Variants in NOC2L observed in about 807,000 individuals in gnomAD.
NOC2L encodes NOC2 like nucleolar associated transcriptional repressor, also known as nucleolar complex protein 2 homolog.
In NOC2L, 101 loss-of-function variants were observed where a neutral mutation model predicts 94.2. The observed-to-expected ratio is 1.07, with a 90% CI of 0.91 to 1.26. The LOEUF is 1.26. Among genes scored for constraint, NOC2L ranks in the 50% most tolerant of loss-of-function variants. The pLI, the probability that NOC2L is intolerant of heterozygous loss-of-function variation, is 0.00. For synonymous variants in NOC2L, 531 were observed against 413.4 expected (o/e 1.28, Z -3.45); for missense variants, 1,076 against 980.1 (o/e 1.10, Z -1.31).
At chr1:954,756 G>A (rs926342723) in intron 6 of NOC2L, among the ~76,000 whole-genome samples, 3 of 152,034 alleles carry the variant, frequency 2.0e-5, no homozygotes, top group Non-Finnish European at 2.9e-5. Context: ...GAATCCAGAA[G>A]GTACGTGTCG....
rs558406363 is a variant in NOC2L, at chr1:949,703, G to A, written c.1444-1100C>T. On this transcript the variant is annotated intron_variant, in intron 12 of 18. Transcript: ENST00000327044. ...AGACACAAAGCATGCCTGGAGCTGGGCAGCAGAGCTGGAGGCCCACAGACA... is the reference window on the plus strand; with the variant it reads ...AGACACAAAGCATGCCTGGAGCTGGACAGCAGAGCTGGAGGCCCACAGACA... Among the ~76,000 whole-genome samples the A allele has an allele frequency of 7.2e-5, 11 of 152,330 alleles. No individual in the cohort carries two copies. The East Asian group carries it at 1.7e-3, about 24-fold the overall frequency.
chr1:954,397 C>T (rs952496953), intron 6 of NOC2L: 8 of 344,238 alleles, frequency 2.3e-5, no homozygotes, highest in South Asian at 8.4e-5. Context: ...TTTTCTAGGT[C>T]CCCTTGATCA....
At chr1:956,652 C>G (rs1290236517) in intron 4 of NOC2L, among the ~76,000 whole-genome samples, 1 of 152,166 alleles carries the variant, frequency 6.6e-6, no homozygotes, top group African/African-American at 2.4e-5. Flanking sequence ...ACACACAGTC[C>G]TGGGGCAACC....
At chr1:957,513 C>A (rs1484880595) in intron 2 of NOC2L, 3 of 526,950 alleles carry the variant, frequency 5.7e-6, no homozygotes, top group African/African-American at 1.9e-5. Flanking sequence ...CTGCGCCCTG[C>A]GCTACACAGG....
intron 14 of NOC2L, among the ~76,000 whole-genome samples, chr1:947,645 C>T (rs1296039027): frequency 6.6e-6 from 1 of 152,236 alleles, no homozygotes; most frequent in Non-Finnish European, 1.5e-5. Context: ...CCACCCCACT[C>T]CTGCCTAAGA....
At chr1:950,481 A>T (rs1038245124) in intron 12 of NOC2L, among the ~76,000 whole-genome samples, 5 of 151,896 alleles carry the variant, frequency 3.3e-5, no homozygotes, top group Admixed American at 2.0e-4. Context: ...AGGTACACAC[A>T]GGTACACACT....
chr1:954,136 G>C (rs1642336698), intron 6 of NOC2L, 54 bp from the exon 7 acceptor site: 1 of 1,566,076 alleles, frequency 6.4e-7, no homozygotes, highest in Non-Finnish European at 8.8e-7. Context: ...CGGACGCGAG[G>C]CTGCTCAGCA....
chr1:951,769 G>A (rs1405489123), intron 11 of NOC2L, among the ~76,000 whole-genome samples: 1 of 152,228 alleles, frequency 6.6e-6, no homozygotes, highest in Admixed American at 6.5e-5. Flanking sequence ...CACCCGAGGC[G>A]GCTAAACCGC....
Position 948,160 on chromosome 1 carries a change from G to C in NOC2L, c.1630C>G (p.Pro544Ala), listed in dbSNP as rs1484746753. 6.3e-7 allele frequency: 1 copy of C among 1,592,076 alleles called. No homozygotes were observed. The highest frequency in any genetic ancestry group is 1.3e-5 in the African/African-American group (1 of 74,682). ...AGGACCACAGGCAGCACCAGCTCCGGGAAGCCGATGCAGTGTGCCTGGCTG... is the reference window on the plus strand; with the variant it reads ...AGGACCACAGGCAGCACCAGCTCCGCGAAGCCGATGCAGTGTGCCTGGCTG... ...LHSQAHCIGF[P>A]ELVLPVVLQL... Residue 544 changes from proline (P) to alanine (A), a missense_variant, in exon 14 of 19, where the codon CCG (proline) becomes GCG (alanine). Physicochemically the swap from Pro to Ala is conservative, Grantham distance 27 (BLOSUM62 -1). Transcript: ENST00000327044.
At chr1:946,877 G>A in intron 14 of NOC2L, 1 of 206,750 alleles carries the variant, frequency 4.8e-6, no homozygotes, top group Non-Finnish European at 9.9e-6. Flanking sequence ...GGCCAACGTG[G>A]CAAAACCCCG....
At chr1:945,835 G>A (rs975781176) in intron 16 of NOC2L, among the ~76,000 whole-genome samples, 182 bp from the exon 17 acceptor site, 1 of 152,194 alleles carries the variant, frequency 6.6e-6, no homozygotes, top group Non-Finnish European at 1.5e-5. Context: ...CAAAGGCAGA[G>A]CCCTTCCTGC....
chr1:950,529 AGGT>A (rs1194289541), intron 12 of NOC2L, among the ~76,000 whole-genome samples: 2 of 152,116 alleles, frequency 1.3e-5, no homozygotes, highest in African/African-American at 4.8e-5. Flanking sequence ...ACACACGCAA[AGGT>A]ACACGCAAAG....
chr1:944,753 G>C lies in NOC2L; in HGVS notation c.2191C>G (p.Gln731Glu). 1 of 1,600,236 alleles carries C rather than the reference G, an allele frequency of 6.2e-7. No individual in the cohort carries two copies. The highest frequency in any genetic ancestry group is 2.2e-5 in the East Asian group (1 of 44,772). Residue 731 changes from glutamine (Q) to glutamate (E), a missense_variant, in exon 19 of 19, where the codon CAG (glutamine) becomes GAG (glutamate). Gln to Glu is a conservative substitution (Grantham distance 29). Coordinates refer to ENST00000327044, the MANE Select transcript of NOC2L (RefSeq NM_015658.4). ...EAGLAPGELQ[Q>E]LAQGPEDELE... Reference sequence around the variant, plus strand: ...TCGTCCTCCGGCCCCTGGGCCAGCTGCTGCAGCTCCCCAGGGGCCAGCCCC... The same window carrying C: ...TCGTCCTCCGGCCCCTGGGCCAGCTCCTGCAGCTCCCCAGGGGCCAGCCCC...
chr1:945,990 T>G (rs1263098651), intron 16 of NOC2L, among the ~76,000 whole-genome samples, 183 bp downstream of exon 16: 1 of 152,190 alleles, frequency 6.6e-6, no homozygotes, highest in Non-Finnish European at 1.5e-5. Flanking sequence ...TTCCCCTCCC[T>G]GGAAACGCCT....
chr1:955,793 T>C lies in NOC2L; in HGVS notation c.698+130A>G, dbSNP rs1642384662. On this transcript the variant is annotated intron_variant, in intron 6 of 18. Coordinates refer to ENST00000327044, the MANE Select transcript of NOC2L (RefSeq NM_015658.4). ...AACGGTCCCTCGTGCCCCGCTGCCT[T>C]CTCAGGGTCCCCAAGAAGACGCTGG... is the stretch of plus-strand genomic sequence containing the variant. 4.3e-5 allele frequency: 35 copies of C among 812,686 alleles called. 1 individual carries two copies. In the South Asian group the frequency reaches 5.7e-4, roughly 13 times the overall value. 50.3% of individuals were successfully genotyped at this position (812,686 alleles called of 1,614,324 possible).
Position 945,076 on chromosome 1 carries a change from C to A in NOC2L, c.2124G>T (p.Glu708Asp), listed in dbSNP as rs775129618. 5 of 1,614,012 alleles carry A rather than the reference C, an allele frequency of 3.1e-6. No homozygotes were observed. The highest frequency in any genetic ancestry group is 4.2e-6 in the Non-Finnish European group (5 of 1,179,928). ...ATTCACCCTCCGAGTTGCTGCTGTCCTCCTCGCCCTCCTCCTCGTCCTCTT... is the reference window on the plus strand; with the variant it reads ...ATTCACCCTCCGAGTTGCTGCTGTCATCCTCGCCCTCCTCCTCGTCCTCTT... ...DDEEDEEEGEEDSSNSEDGDP... is the reference protein window; with the variant it reads ...DDEEDEEEGEDDSSNSEDGDP... Residue 708 changes from glutamate to aspartate, a missense_variant, in exon 18 of 19, where the codon GAG becomes GAT. By Grantham distance (45) the Glu-to-Asp change is conservative. This residue lies in a region of NOC2L where 615 missense variants were observed against 577.4 expected (regional missense o/e 1.07). Transcript: ENST00000327044.
chr1:948,599 A>G lies in NOC2L; in HGVS notation c.1448T>C (p.Phe483Ser). 7.1e-7 allele frequency: 1 copy of G among 1,410,666 alleles called. No homozygotes were observed. Among genetic ancestry groups the G allele is most frequent in the Non-Finnish European group, 9.4e-7 (1 of 1,066,384 alleles). The allele number at this position is 1,410,666 out of a possible 1,614,324, so 87.4% of individuals were successfully genotyped here. ...IPVLPFILEM[F>S]QQVDFNRKPG... ...CTTCCTGTTGAAGTCGACCTGCTGG[A>G]ACATCTGCCCCAAGGGCCGTGTCAG... Residue 483 changes from phenylalanine to serine, a missense_variant, in exon 13 of 19, where the codon TTC becomes TCC. Transcript: ENST00000327044.
rs372810011 is a variant in NOC2L, at chr1:957,045, T to A, written c.355-20A>T. 194 of 1,613,956 alleles carry A rather than the reference T, an allele frequency of 1.2e-4. No homozygotes were observed. Among genetic ancestry groups the A allele is most frequent in the Non-Finnish European group, 1.5e-4 (180 of 1,180,038 alleles). On this transcript the variant is annotated intron_variant, in intron 3 of 18. Coordinates refer to ENST00000327044, the MANE Select transcript of NOC2L (RefSeq NM_015658.4). ...GGCTTCCTGCACAGAAAGGCTGAGC[T>A]GAAGGAGAGTGTAGAGACAAGTGCC...
rs537222882 is a variant in NOC2L, at chr1:944,228, C to A, written c.*466G>T. ...TCAACACAATGGCCCTGCCTCCCAC[C>A]GCTTTATTTCTTTCGGTTTCGGATG... On this transcript the variant is annotated 3_prime_UTR_variant, in exon 19 of 19. Transcript: ENST00000327044. The A allele has an allele frequency of 1.4e-6, 2 of 1,458,042 alleles. No individual in the cohort carries two copies. The highest frequency in any genetic ancestry group is 2.5e-5 in the East Asian group (1 of 40,274). 90.3% of individuals were successfully genotyped at this position (1,458,042 alleles called of 1,614,324 possible).
Sources: gnomAD v4.1 joint callset for allele counts (sites outside exome capture counted in the v4.1 genomes callset) on GRCh38, gnomAD v4.1.1 for gene constraint, gnomAD v4.1.1 regional missense constraint, MANE v1.5 for transcripts, NCBI Gene and HGNC (gene_info 2026-07-23, HGNC 2026-07-21) for gene names.